Variants in ERICH6 observed in about 807,000 individuals in gnomAD.
The protein encoded by ERICH6 is glutamate-rich protein 6.
In ERICH6, 71 loss-of-function variants were observed where a neutral mutation model predicts 71.0. That is an observed-to-expected ratio of 1.00 (90% CI 0.83 to 1.22). The LOEUF (loss-of-function observed/expected upper bound fraction) is 1.22, where lower values mean the gene tolerates loss of function less well. Ranked by LOEUF, ERICH6 falls within the 50% of genes most tolerant of loss-of-function variation. The pLI is 0.00. For missense variants in ERICH6, 808 were observed against 797.2 expected (o/e 1.01, Z -0.16); for synonymous variants, 262 against 278.4 (o/e 0.94, Z 0.59).
chr3:150,677,413 G>A (rs192528099), intron 10 of ERICH6, among the ~76,000 whole-genome samples: 110 of 152,004 alleles, frequency 7.2e-4, no homozygotes, highest in Non-Finnish European at 1.1e-3. Flanking sequence ...CAGTATGTCC[G>A]AGAACAGAAA....
intron 13 of ERICH6, among the ~76,000 whole-genome samples, chr3:150,662,117 A>C (rs1727246274): frequency 6.6e-6 from 1 of 152,212 alleles, no homozygotes; most frequent in Non-Finnish European, 1.5e-5. Context: ...TAGGAATAAC[A>C]CATGTTGATA....
chr3:150,700,081 A>ATT (rs200830475), intron 2 of ERICH6, among the ~76,000 whole-genome samples: 8 of 148,262 alleles, frequency 5.4e-5, no homozygotes, highest in Non-Finnish European at 1.0e-4. Flanking sequence ...TCTGAGGGAA[A>ATT]TTTTTTTTTT....
chr3:150,675,183 AT>A (rs1233172213), intron 10 of ERICH6, among the ~76,000 whole-genome samples: 1 of 151,990 alleles, frequency 6.6e-6, no homozygotes, highest in Non-Finnish European at 1.5e-5. Context: ...GGTTTTCTTT[AT>A]TTCTCCTTTT....
In ERICH6 at chr3:150,667,004, T is replaced by C. The variant is rs1471003796; in HGVS notation, c.1511A>G (p.Asn504Ser). The C allele has an allele frequency of 8.7e-6, 14 of 1,613,810 alleles. No homozygotes were observed. Among genetic ancestry groups the C allele is most frequent in the Non-Finnish European group, 1.2e-5 (14 of 1,179,914 alleles). The change falls in exon 13 of 14, where the codon AAT (asparagine) becomes AGT (serine). Residue 504 changes from asparagine to serine, a missense_variant. Transcript: ENST00000295910. The stretch of plus-strand genomic sequence containing the variant: ...ATCTGAATATTGACCTCCCAAGATA[T>C]TGATGTATACCCTGGTCAGGAAGGA... ...HPNGNVWVYI[N>S]ILGGQYSDQA...
chr3:150,662,195 AC>A (rs1290007423), intron 13 of ERICH6, among the ~76,000 whole-genome samples: 1 of 152,236 alleles, frequency 6.6e-6, no homozygotes, highest in African/African-American at 2.4e-5. Flanking sequence ...CGTAATGGGA[AC>A]AACTGAAGAG....
chr3:150,697,273 C>T (rs1247930333), intron 3 of ERICH6, among the ~76,000 whole-genome samples: 1 of 152,100 alleles, frequency 6.6e-6, no homozygotes, highest in Non-Finnish European at 1.5e-5. Context: ...ATAGTGGTGA[C>T]ATCTGAAATT....
chr3:150,696,417 A>G (rs1712659954), intron 3 of ERICH6, among the ~76,000 whole-genome samples: 1 of 152,198 alleles, frequency 6.6e-6, no homozygotes, highest in Non-Finnish European at 1.5e-5. Context: ...AAAATGTGAG[A>G]ATCACAAGGA....
At chr3:150,686,114 C>G in intron 4 of ERICH6, 93 bp from the exon 5 acceptor site, 1 of 1,239,058 alleles carries the variant, frequency 8.1e-7, no homozygotes, top group Non-Finnish European at 1.2e-6. Context: ...CCACCATCAT[C>G]CTCCTTGCCC....
intron 12 of ERICH6, among the ~76,000 whole-genome samples, chr3:150,668,683 T>C (rs1224321049): frequency 2.0e-5 from 3 of 152,196 alleles, no homozygotes; most frequent in African/African-American, 7.2e-5. Flanking sequence ...AAAAGACCTC[T>C]TTCTGAAAAG....
intron 10 of ERICH6, among the ~76,000 whole-genome samples, chr3:150,675,380 G>A (rs1576550825): frequency 1.3e-5 from 2 of 151,658 alleles, no homozygotes; most frequent in East Asian, 3.9e-4. Context: ...CAAGAGTCTT[G>A]CTCTGTTGCC....
At chr3:150,679,815 GCCCA>G (rs1711824890) in intron 9 of ERICH6, among the ~76,000 whole-genome samples, 1 of 152,024 alleles carries the variant, frequency 6.6e-6, no homozygotes, top group East Asian at 1.9e-4. Context: ...CTGCCACCAT[GCCCA>G]GCTAATTTTT....
At chr3:150,665,431 C>T (rs945913983) in intron 13 of ERICH6, among the ~76,000 whole-genome samples, 4 of 143,160 alleles carry the variant, frequency 2.8e-5, no homozygotes, top group Non-Finnish European at 6.0e-5. Flanking sequence ...ACAGGAGAAT[C>T]GCTTGAACCC....
At chr3:150,677,099 A>T (rs6803598) in intron 10 of ERICH6, among the ~76,000 whole-genome samples, 1,623 of 152,278 alleles carry the variant, frequency 0.011, 38 homozygotes, top group African/African-American at 0.037. Flanking sequence ...GGCGTGAGCC[A>T]ACACACCCAG....
chr3:150,666,206 T>C (rs975023997), intron 13 of ERICH6, among the ~76,000 whole-genome samples: 4 of 152,188 alleles, frequency 2.6e-5, no homozygotes, highest in Non-Finnish European at 5.9e-5. Context: ...GGCTGTGCCC[T>C]GGGAGAGGCA....
At chr3:150,686,199 C>A in intron 4 of ERICH6, 99 bp downstream of exon 4, 1 of 1,405,636 alleles carries the variant, frequency 7.1e-7, no homozygotes. Context: ...TTAGGTGAGT[C>A]CTTTTTCAAA....
chr3:150,699,453 TG>T (rs1712778069), intron 2 of ERICH6, among the ~76,000 whole-genome samples: 1 of 152,292 alleles, frequency 6.6e-6, no homozygotes, highest in Non-Finnish European at 1.5e-5. Flanking sequence ...CCCACCCATC[TG>T]CACAGGGATC....
chr3:150,684,908 A>T (rs970490173), intron 6 of ERICH6, among the ~76,000 whole-genome samples: 10 of 152,082 alleles, frequency 6.6e-5, no homozygotes, highest in Admixed American at 2.0e-4. Flanking sequence ...TGGGAGACAG[A>T]GGTGAGGATT....
chr3:150,659,918 T>C lies in ERICH6; in HGVS notation c.1966A>G (p.Arg656Gly), dbSNP rs1487746424. The change falls in exon 14 of 14, where the codon AGA (arginine) becomes GGA (glycine). Residue 656 changes from arginine (R) to glycine (G), a missense_variant. Transcript: ENST00000295910. ...TAAATTTCTTCATTTATTATATTTC[T>C]TATTGTCTTCATTATATCTTGCTTT... ...GIKQDIMKTI[R>G]NIINEEI is the part of the protein sequence containing the mutation. 6.2e-6 allele frequency: 10 copies of C among 1,608,768 alleles called. No individual in the cohort carries two copies. The highest frequency in any genetic ancestry group is 7.7e-6 in the Non-Finnish European group (9 of 1,175,792).
chr3:150,703,758 C>A lies in ERICH6; in HGVS notation c.141G>T (p.Glu47Asp), dbSNP rs780129227. The A allele has an allele frequency of 6.4e-6, 10 of 1,573,360 alleles. No individual in the cohort carries two copies. The highest frequency in any genetic ancestry group is 7.7e-6 in the Non-Finnish European group (9 of 1,168,802). ...EEEEVEEEEE[E>D]VEEEEEEVVE... is the part of the protein sequence containing the mutation. The stretch of plus-strand genomic sequence containing the variant: ...CCACCTCCTCCTCCTCCTCCTCCAC[C>A]TCTTCCTCCTCCTCCTCCACCTCTT... Residue 47 changes from glutamate to aspartate, a missense_variant, in exon 1 of 14, where the codon GAG becomes GAT. Glu to Asp is a conservative substitution (Grantham distance 45). This residue lies in a region of ERICH6 where 19 missense variants were observed against 44.4 expected (regional missense o/e 0.43). Transcript: ENST00000295910.
Sources: allele counts gnomAD v4.1 joint callset (sites outside exome capture counted in the v4.1 genomes callset), GRCh38; gene constraint gnomAD v4.1.1; regional missense constraint gnomAD v4.1.1; transcripts MANE v1.5; gene names NCBI Gene and HGNC (gene_info 2026-07-23, HGNC 2026-07-21).